SOCS6: variants seen among roughly 807,000 people sequenced by gnomAD.
SOCS6 encodes the protein STAT induced STAT inhibitor-4.
SOCS6 carries 5 observed loss-of-function variants against 27.7 expected under a neutral mutation model. That is an observed-to-expected ratio of 0.18 (90% CI 0.09 to 0.38). SOCS6 has a LOEUF of 0.38. SOCS6 is among the 10% of genes least tolerant of loss of function. The pLI is 1.00. For synonymous variants in SOCS6, 271 were observed against 260.0 expected (o/e 1.04, Z -0.41); for missense variants, 595 against 688.1 (o/e 0.86, Z 1.51).
intron 1 of SOCS6, among the ~76,000 whole-genome samples, chr18:70,315,181 AT>A (rs1600162406): frequency 6.6e-6 from 1 of 152,066 alleles, no homozygotes; most frequent in African/African-American, 2.4e-5. Context: ...TCTTTGTCAA[AT>A]TTTGGTATCA....
rs374487434 is a variant in SOCS6 at position 70,300,999 on chromosome 18, A to C, written c.-127+11909A>C. Among the ~76,000 whole-genome samples, 18 of 152,194 alleles carry C rather than the reference A, an allele frequency of 1.2e-4. 1 individual carries two copies. The highest frequency in any genetic ancestry group is 1.2e-3 in the East Asian group (6 of 5,194). ...CAACTGTATTCCATTTATTATGCAA[A>C]TGTAATTCTGTTTTTATGTAGTTGT... On this transcript the variant is annotated intron_variant, in intron 1 of 1. Coordinates refer to ENST00000397942, the MANE Select transcript of SOCS6 (RefSeq NM_004232.4).
At chr18:70,299,396 C>T (rs759904510) in intron 1 of SOCS6, among the ~76,000 whole-genome samples, 4 of 152,172 alleles carry the variant, frequency 2.6e-5, no homozygotes, top group African/African-American at 7.2e-5. Context: ...AAGAGGTGCA[C>T]GGAGCAAGCA....
chr18:70,325,413 G>A lies in SOCS6; in HGVS notation c.745G>A (p.Glu249Lys), dbSNP rs775452074. ...TTGTCTGGACAGCTCTTCTCCCATGGAAGTCTCTGCGGTTCCTCCTCAAGT... is the reference window on the plus strand; with the variant it reads ...TTGTCTGGACAGCTCTTCTCCCATGAAAGTCTCTGCGGTTCCTCCTCAAGT... ...SYCLDSSSPMEVSAVPPQVGG... is the reference protein window; with the variant it reads ...SYCLDSSSPMKVSAVPPQVGG... The change falls in exon 2 of 2, where the codon GAA becomes AAA. Residue 249 changes from glutamate (E) to lysine (K), a missense_variant. This residue lies in a region of SOCS6 where 467 missense variants were observed against 481.1 expected (regional missense o/e 0.97). Transcript: ENST00000397942. This position sits in a 1 kb window ranked among gnomAD's most constrained non-coding sequence, Gnocchi z 6.3. 6.2e-7 allele frequency: 1 copy of A among 1,614,172 alleles called. No individual in the cohort carries two copies. Among genetic ancestry groups the A allele is most frequent in the South Asian group, 1.1e-5 (1 of 91,074 alleles).
chr18:70,312,771 A>ATTTTTTTTTTTTTT (rs375997089), intron 1 of SOCS6, among the ~76,000 whole-genome samples: 1 of 121,984 alleles, frequency 8.2e-6, no homozygotes, highest in Non-Finnish European at 1.6e-5. Context: ...AATTCTTTGG[A>ATTTTTTTTTTTTTT]TTTTTTTTTT....
intron 1 of SOCS6, among the ~76,000 whole-genome samples, chr18:70,294,897 T>G (rs977383166): frequency 1.3e-5 from 2 of 152,228 alleles, no homozygotes; most frequent in East Asian, 3.8e-4. Context: ...TAAAATACTT[T>G]CTAAAATTGT....
chr18:70,290,411 G>A (rs2062293460), intron 1 of SOCS6, among the ~76,000 whole-genome samples: 2 of 152,116 alleles, frequency 1.3e-5, no homozygotes, highest in Admixed American at 1.3e-4. Flanking sequence ...TTAATGCTGT[G>A]GACAGCCTTA....
At chr18:70,299,916 T>G (rs1009929662) in intron 1 of SOCS6, among the ~76,000 whole-genome samples, 1 of 152,200 alleles carries the variant, frequency 6.6e-6, no homozygotes, top group African/African-American at 2.4e-5. Flanking sequence ...GTACATAGGT[T>G]ATATGCAAAT....
At position 70,329,105 on chromosome 18, in the gene SOCS6, A is replaced by G. The variant is rs1340066534; in HGVS notation, c.*2829A>G. The G allele has an allele frequency of 6.0e-6, 1 of 167,132 alleles. No individual in the cohort carries two copies. The highest frequency in any genetic ancestry group is 1.5e-5 in the Non-Finnish European group (1 of 68,122). The allele number at this position is 167,132 out of a possible 1,614,324, so 10.4% of individuals were successfully genotyped here. A position where few individuals can be genotyped will look rare whatever the true frequency, so the allele number is the denominator to read the frequency against. On this transcript the variant is annotated 3_prime_UTR_variant, in exon 2 of 2. Coordinates refer to ENST00000397942, the MANE Select transcript of SOCS6 (RefSeq NM_004232.4). ...GCCAGAAGCTATTTTTAGGCTTACT[A>G]TAACACTATTATGCATTTTTATAAA...
In SOCS6 at chr18:70,324,870, T is replaced by C. The variant is rs374960583; in HGVS notation, c.202T>C (p.Ser68Pro). The C allele has an allele frequency of 6.8e-6, 11 of 1,613,814 alleles. No homozygotes were observed. In the African/African-American group the frequency reaches 1.3e-4, roughly 20 times the overall value. ...GEDEKGGKNR[S>P]KSESLMGTLK... The stretch of plus-strand genomic sequence containing the variant: ...AGATGAAAAAGGCGGAAAAAACAGA[T>C]CAAAAAGCGAGAGCCTGATGGGTAC... Residue 68 changes from serine to proline, a missense_variant, in exon 2 of 2, where the codon TCA becomes CCA. By Grantham distance (74) the Ser-to-Pro change is moderately conservative. Around this residue, in one of 2 missense-constraint regions of SOCS6, gnomAD observed 467 missense variants for 481.1 expected, o/e 0.97. Transcript: ENST00000397942.
intron 1 of SOCS6, among the ~76,000 whole-genome samples, chr18:70,298,532 T>C (rs2062334376): frequency 6.6e-6 from 1 of 152,178 alleles, no homozygotes. Context: ...CAATAGCTGT[T>C]TCTAAGCCAC....
At chr18:70,324,521 T>A in intron 1 of SOCS6, 22 bp from the exon 2 acceptor site, 1 of 586,648 alleles carries the variant, frequency 1.7e-6, no homozygotes, top group Non-Finnish European at 2.9e-6. Flanking sequence ...AATATGACTC[T>A]TTTTATATTT....
At chr18:70,318,604 ATAT>A (rs1314297678) in intron 1 of SOCS6, among the ~76,000 whole-genome samples, 14 of 151,670 alleles carry the variant, frequency 9.2e-5, no homozygotes, top group Admixed American at 9.2e-4. Flanking sequence ...CATATATAAC[ATAT>A]TATTGTTGTT....
chr18:70,292,567 T>G (rs917442835), intron 1 of SOCS6, among the ~76,000 whole-genome samples: 1 of 152,200 alleles, frequency 6.6e-6, no homozygotes, highest in African/African-American at 2.4e-5. Flanking sequence ...CAGTTGGTCT[T>G]GAAATCACGG....
At chr18:70,323,665 C>T (rs1911070487) in intron 1 of SOCS6, among the ~76,000 whole-genome samples, 1 of 152,144 alleles carries the variant, frequency 6.6e-6, no homozygotes, top group Admixed American at 6.5e-5. Flanking sequence ...GATTCTTGTT[C>T]TCAAGGAATT....
chr18:70,314,041 T>C (rs1184438754), intron 1 of SOCS6: 4 of 152,224 alleles, frequency 2.6e-5, no homozygotes, highest in Admixed American at 2.0e-4. Context: ...GAAGCTGTTA[T>C]AAATAGGATC....
intron 1 of SOCS6, among the ~76,000 whole-genome samples, chr18:70,308,393 T>A (rs986684463): frequency 5.3e-5 from 8 of 151,848 alleles, no homozygotes; most frequent in Non-Finnish European, 7.4e-5. Flanking sequence ...AATTTTTTTT[T>A]TAATTTTTTG....
intron 1 of SOCS6, among the ~76,000 whole-genome samples, chr18:70,305,089 C>G (rs188443111): frequency 6.8e-6 from 1 of 147,934 alleles, no homozygotes; most frequent in Non-Finnish European, 1.5e-5. Context: ...CACCTGTAAT[C>G]CCAGCTATTG....
In SOCS6 at chr18:70,326,045, G is replaced by A. The variant is rs754895549; in HGVS notation, c.1377G>A (p.Glu459=). The change falls in exon 2 of 2, where the codon GAG becomes GAA. Residue 459 remains glutamate (E), a synonymous_variant. Coordinates refer to ENST00000397942, the MANE Select transcript of SOCS6 (RefSeq NM_004232.4). The part of the protein sequence containing the change: ...EGHTSIVDLI[E]HSIRDSENGA... The stretch of plus-strand genomic sequence containing the variant: ...ATACGTCCATAGTTGATCTAATTGA[G>A]CATTCAATCAGGGACTCTGAAAATG... The A allele has an allele frequency of 1.3e-5, 21 of 1,614,022 alleles. No homozygotes were observed. Among genetic ancestry groups the A allele is most frequent in the Non-Finnish European group, 1.6e-5 (19 of 1,179,966 alleles).
At chr18:70,309,285 A>G (rs2062381104) in intron 1 of SOCS6, among the ~76,000 whole-genome samples, 1 of 152,212 alleles carries the variant, frequency 6.6e-6, no homozygotes, top group Non-Finnish European at 1.5e-5. Flanking sequence ...AATACACAAA[A>G]AGGATGATAT....
Sources: allele counts gnomAD v4.1 joint callset (sites outside exome capture counted in the v4.1 genomes callset), GRCh38; gene constraint gnomAD v4.1.1; regional missense constraint gnomAD v4.1.1; non-coding constraint Gnocchi (gnomAD v3.1); transcripts MANE v1.5; gene names NCBI Gene and HGNC (gene_info 2026-07-23, HGNC 2026-07-21).